KIAA0513: variants seen among roughly 807,000 people sequenced by gnomAD.
KIAA0513 encodes the protein uncharacterized protein KIAA0513.
KIAA0513 carries 39 observed loss-of-function variants against 56.5 expected under a neutral mutation model. That is an observed-to-expected ratio of 0.69 (90% CI 0.53 to 0.90). The LOEUF (loss-of-function observed/expected upper bound fraction) is 0.90. Ranked by LOEUF, KIAA0513 falls within the 40% of genes least tolerant of loss-of-function variation. The pLI is 0.00. For synonymous variants in KIAA0513, 268 were observed against 215.6 expected (o/e 1.24, Z -2.13); for missense variants, 591 against 535.2 (o/e 1.10, Z -1.03).
intron 1 of KIAA0513, among the ~76,000 whole-genome samples, chr16:85,037,068 G>A (rs763229572): frequency 6.6e-6 from 1 of 152,076 alleles, no homozygotes; most frequent in Non-Finnish European, 1.5e-5. Flanking sequence ...ATTAGAAGAA[G>A]GAAAGGAGAG....
At chr16:85,029,359 G>A (rs1476909176) in intron 1 of KIAA0513, among the ~76,000 whole-genome samples, 1 of 152,206 alleles carries the variant, frequency 6.6e-6, no homozygotes, top group Non-Finnish European at 1.5e-5. Flanking sequence ...GTCAGTTAGT[G>A]TGAAGGTTGG....
chr16:85,048,671 GAGTTCA>G (rs1329174175), intron 1 of KIAA0513, among the ~76,000 whole-genome samples: 1 of 152,194 alleles, frequency 6.6e-6, no homozygotes, highest in Non-Finnish European at 1.5e-5. Flanking sequence ...CTGAGCCCTG[GAGTTCA>G]AGGCTGCAGC....
intron 1 of KIAA0513, among the ~76,000 whole-genome samples, chr16:85,058,633 C>T (rs188729039): frequency 7.0e-6 from 1 of 142,566 alleles, no homozygotes; most frequent in African/African-American, 2.6e-5. Context: ...GCCTGGGCAA[C>T]AAGAGCGGAA....
At chr16:85,048,298 G>T (rs1055566113) in intron 1 of KIAA0513, among the ~76,000 whole-genome samples, 4 of 152,138 alleles carry the variant, frequency 2.6e-5, no homozygotes, top group African/African-American at 4.8e-5. Context: ...CCGTCAGCAC[G>T]CGAGCCTATC....
intron 1 of KIAA0513, among the ~76,000 whole-genome samples, chr16:85,059,741 C>G (rs1169757672): frequency 6.6e-6 from 1 of 152,220 alleles, no homozygotes; most frequent in Non-Finnish European, 1.5e-5. Flanking sequence ...TGAGCTGTCT[C>G]ATGTTAGCAC....
At chr16:85,071,332 T>C (rs2073570387) in intron 2 of KIAA0513, among the ~76,000 whole-genome samples, 1 of 152,236 alleles carries the variant, frequency 6.6e-6, no homozygotes, top group Non-Finnish European at 1.5e-5. Flanking sequence ...GGCGTCAGTA[T>C]GCTGAGACAG....
chr16:85,066,464 AG>A (rs2073482949), intron 1 of KIAA0513, among the ~76,000 whole-genome samples: 1 of 152,174 alleles, frequency 6.6e-6, no homozygotes, highest in South Asian at 2.1e-4. Flanking sequence ...CCCAGGAAGG[AG>A]GAGGTCAGAG....
intron 1 of KIAA0513, among the ~76,000 whole-genome samples, chr16:85,064,249 A>G (rs950106434): frequency 6.6e-6 from 1 of 151,674 alleles, no homozygotes; most frequent in African/African-American, 2.4e-5. Flanking sequence ...CAGGTGATCC[A>G]CCCGCCTCAG....
chr16:85,039,978 GCA>G (rs1194667147), intron 1 of KIAA0513, among the ~76,000 whole-genome samples: 1 of 151,606 alleles, frequency 6.6e-6, no homozygotes, highest in Non-Finnish European at 1.5e-5. Context: ...GGGATTACAG[GCA>G]TGTGCCACCG....
At chr16:85,033,125 C>T (rs555950648) in intron 1 of KIAA0513, among the ~76,000 whole-genome samples, 1 of 152,194 alleles carries the variant, frequency 6.6e-6, no homozygotes, top group Admixed American at 6.5e-5. Flanking sequence ...GGGATGTGGA[C>T]GTTTTTACGA....
Position 85,061,557 on chromosome 16 carries a change from G to C in KIAA0513, c.-172-5343G>C, listed in dbSNP as rs188183021. ...GGAGCAGCACATTTGGGAGTTCTTG[G>C]GGACACGAAAAGAGAGGAGAGTCTT... On this transcript the variant is annotated intron_variant, in intron 1 of 12. Transcript: ENST00000683363. Among the ~76,000 whole-genome samples, 271 of 152,294 alleles carry C rather than the reference G, an allele frequency of 1.8e-3. 2 individuals carry two copies. The highest frequency in any genetic ancestry group is 6.4e-3 in the African/African-American group (265 of 41,554).
At chr16:85,084,010 T>G (rs1413957927) in intron 10 of KIAA0513, among the ~76,000 whole-genome samples, 2 of 151,676 alleles carry the variant, frequency 1.3e-5, no homozygotes, top group Admixed American at 6.6e-5. Flanking sequence ...TTCAGCTCGC[T>G]GCCCAGTGTC....
At chr16:85,049,588 G>T (rs995559871) in intron 1 of KIAA0513, among the ~76,000 whole-genome samples, 9 of 152,084 alleles carry the variant, frequency 5.9e-5, no homozygotes, top group African/African-American at 1.9e-4. Context: ...AAAGCGTGTG[G>T]CACCTCCCCT....
rs373120861 is a variant in KIAA0513, at chr16:85,053,185, G to A, written c.-172-13715G>A. On this transcript the variant is annotated intron_variant, in intron 1 of 12. Coordinates refer to ENST00000683363, the MANE Select transcript of KIAA0513 (RefSeq NM_001388359.1). The stretch of plus-strand genomic sequence containing the variant: ...ATTACAGGCGTGAGCCACCACGCCC[G>A]ACCTGGATCAAATTTTTAGATAACC... 4.6e-5 allele frequency among the ~76,000 whole-genome samples: 7 copies of A among 152,128 alleles called. No individual in the cohort carries two copies. In the East Asian group the frequency reaches 7.7e-4, roughly 17 times the overall value.
intron 1 of KIAA0513, among the ~76,000 whole-genome samples, chr16:85,051,965 T>C (rs2073258720): frequency 6.6e-6 from 1 of 151,960 alleles, no homozygotes; most frequent in South Asian, 2.1e-4. Context: ...CCTTTCATGA[T>C]TTTTTAAGTC....
chr16:85,044,671 T>C (rs1441065836), intron 1 of KIAA0513, among the ~76,000 whole-genome samples: 1 of 151,978 alleles, frequency 6.6e-6, no homozygotes, highest in Admixed American at 6.5e-5. Context: ...CATGCTTGGC[T>C]AATTTCTGTG....
intron 7 of KIAA0513, 111 bp downstream of exon 7, chr16:85,078,566 C>T: frequency 9.5e-7 from 1 of 1,054,336 alleles, no homozygotes; most frequent in African/African-American, 1.6e-5. Context: ...GCATGGGCAC[C>T]TTGCCCTGGG....
intron 7 of KIAA0513, 60 bp from the exon 8 acceptor site, chr16:85,078,865 G>A: frequency 6.3e-7 from 1 of 1,581,842 alleles, no homozygotes; most frequent in Admixed American, 1.7e-5. Flanking sequence ...GTCACCCGGG[G>A]TTTGCCAACA....
rs558167992 is a variant in KIAA0513 at position 85,068,419 on chromosome 16, G to A, written c.329+1019G>A. Among the ~76,000 whole-genome samples, 10 of 150,986 alleles carry A rather than the reference G, an allele frequency of 6.6e-5. No homozygotes were observed. In the East Asian group the frequency reaches 9.8e-4, roughly 15 times the overall value. ...GTGATCTTGGCTCACTGCAAGGTCC[G>A]CCTCCTGGGTTCACACCATTCTCCT... On this transcript the variant is annotated intron_variant, in intron 2 of 12. Transcript: ENST00000683363.
Sources: gnomAD v4.1 joint callset for allele counts (sites outside exome capture counted in the v4.1 genomes callset) on GRCh38, gnomAD v4.1.1 for gene constraint, MANE v1.5 for transcripts, NCBI Gene and HGNC (gene_info 2026-07-23, HGNC 2026-07-21) for gene names.